The following CASD1 variants were observed in gnomAD, a reference collection of about 807,000 sequenced individuals.
CASD1 encodes CAS1 domain sialic acid O acetyltransferase 1, also known as N-acetylneuraminate (7)9-O-acetyltransferase.
Under a neutral mutation model 100.0 loss-of-function variants are expected in CASD1, and 41 were observed. The observed-to-expected ratio is 0.41, with a 90% CI of 0.32 to 0.53. CASD1 has a LOEUF of 0.53. Among genes scored for constraint, CASD1 ranks in the 20% least tolerant of loss-of-function variants. The pLI is 0.25. For synonymous variants in CASD1, 321 were observed against 315.6 expected, an observed-to-expected ratio of 1.02 and a Z score of -0.18; for missense variants, 774 against 948.7, an observed-to-expected ratio of 0.82 and a Z score of 2.42.
At chr7:94,550,063 C>A (rs1359207687) in intron 14 of CASD1, among the ~76,000 whole-genome samples, 1 of 151,986 alleles carries the variant, frequency 6.6e-6, no homozygotes, top group African/African-American at 2.4e-5. Flanking sequence ...CCCAAGATTA[C>A]TATTATAAGA....
chr7:94,565,953 G>C, the CASD1 span, among the ~76,000 whole-genome samples: 1 of 152,172 alleles, frequency 6.6e-6, no homozygotes, highest in Non-Finnish European at 1.5e-5. Flanking sequence ...GTCTTGGCTA[G>C]GATGATGGGG....
At chr7:94,571,157 C>T in the CASD1 span, among the ~76,000 whole-genome samples, 1 of 151,926 alleles carries the variant, frequency 6.6e-6, no homozygotes, top group Non-Finnish European at 1.5e-5. Flanking sequence ...GATCCTCCCA[C>T]TGCAGCCTCC....
intron 10 of CASD1, among the ~76,000 whole-genome samples, chr7:94,542,162 G>A (rs1795435532): frequency 6.6e-6 from 1 of 152,168 alleles, no homozygotes; most frequent in Admixed American, 6.5e-5. Context: ...CATGTTTTAT[G>A]GAGAGTGCTT....
chr7:94,585,843 T>A, the CASD1 span, among the ~76,000 whole-genome samples: 1 of 151,768 alleles, frequency 6.6e-6, no homozygotes, highest in East Asian at 1.9e-4. Context: ...TCGTGGCTTT[T>A]AAAAAAATAT....
At chr7:94,550,913 A>G (rs770685080) in intron 14 of CASD1, among the ~76,000 whole-genome samples, 1 of 152,152 alleles carries the variant, frequency 6.6e-6, no homozygotes, top group Non-Finnish European at 1.5e-5. Context: ...TTATGAGCGT[A>G]CACTTCTTTT....
chr7:94,547,286 CTG>C (rs1562948064), intron 13 of CASD1, 111 bp downstream of exon 13: 4 of 661,418 alleles, frequency 6.0e-6, no homozygotes, highest in South Asian at 2.6e-5. Flanking sequence ...TTTTTAATGA[CTG>C]TAATAAAAGT....
At chr7:94,586,790 C>A in the CASD1 span, 1 of 979,282 alleles carries the variant, frequency 1.0e-6, no homozygotes, top group Non-Finnish European at 1.2e-6. Flanking sequence ...GTGTGAGCCA[C>A]CGCACCCAGC....
In CASD1 at chr7:94,533,706, A is replaced by G. The variant is rs751989761; in HGVS notation, c.532A>G (p.Ser178Gly). ...GTCCATCAAGATTCACAATGGTAGCAGTGAAGCGCTTTCTCAATATAAAAT... is the reference window on the plus strand; with the variant it reads ...GTCCATCAAGATTCACAATGGTAGCGGTGAAGCGCTTTCTCAATATAAAAT... The part of the protein sequence containing the change: ...TWSIKIHNGS[S>G]EALSQYKMNI... The change falls in exon 7 of 18, where the codon AGT (serine) becomes GGT (glycine). Residue 178 changes from serine to glycine, a missense_variant. By Grantham distance (56) the Ser-to-Gly change is moderately conservative. Around this residue, in one of 5 missense-constraint regions of CASD1, gnomAD observed 453 missense variants for 532.6 expected, o/e 0.85. Transcript: ENST00000297273. 1 of 1,603,348 alleles carries G rather than the reference A, an allele frequency of 6.2e-7. No homozygotes were observed. The highest frequency in any genetic ancestry group is 1.1e-5 in the South Asian group (1 of 89,256).
At chr7:94,626,558 CAG>C in the CASD1 span, 1 of 151,834 alleles carries the variant, frequency 6.6e-6, no homozygotes, top group African/African-American at 2.4e-5. Context: ...AGAAATATAA[CAG>C]TAATTTATAA....
chr7:94,547,254 CAG>C (rs1264098568), intron 13 of CASD1, 79 bp downstream of exon 13: 10 of 1,051,440 alleles, frequency 9.5e-6, no homozygotes, highest in South Asian at 3.7e-5. Flanking sequence ...TGAGAAGAGT[CAG>C]AGCTTTTTTT....
At chr7:94,578,769 G>C in the CASD1 span, among the ~76,000 whole-genome samples, 4 of 152,132 alleles carry the variant, frequency 2.6e-5, no homozygotes, top group Admixed American at 1.3e-4. Flanking sequence ...TAGAAGAAGG[G>C]TAAGTTGATA....
chr7:94,612,743 A>G, the CASD1 span, among the ~76,000 whole-genome samples: 1 of 152,102 alleles, frequency 6.6e-6, no homozygotes, highest in South Asian at 2.1e-4. Flanking sequence ...TTTCAACTTA[A>G]TATGTTCCAA....
chr7:94,567,557 C>T, the CASD1 span, among the ~76,000 whole-genome samples: 2 of 152,268 alleles, frequency 1.3e-5, no homozygotes, highest in East Asian at 1.9e-4. Flanking sequence ...AGAAAGAAGA[C>T]ACCAGAGAGT....
At chr7:94,524,946 T>A (rs1296326984) in intron 3 of CASD1, among the ~76,000 whole-genome samples, 2 of 152,050 alleles carry the variant, frequency 1.3e-5, no homozygotes, top group African/African-American at 2.4e-5. Context: ...TTGGAAAAAA[T>A]TGGATATGGA....
the CASD1 span, chr7:94,598,171 G>A: frequency 6.3e-6 from 1 of 158,482 alleles, no homozygotes; most frequent in Non-Finnish European, 1.4e-5. Flanking sequence ...AAATGCAACT[G>A]TACAGTTTCC....
the CASD1 span, among the ~76,000 whole-genome samples, chr7:94,584,665 G>A: frequency 6.6e-6 from 1 of 152,184 alleles, no homozygotes; most frequent in African/African-American, 2.4e-5. Context: ...CAGTCTGCAA[G>A]GAAAGCTGTC....
chr7:94,566,706 CTTT>C, the CASD1 span, among the ~76,000 whole-genome samples: 2 of 152,116 alleles, frequency 1.3e-5, no homozygotes, highest in Non-Finnish European at 2.9e-5. Context: ...TTTTCTCTCT[CTTT>C]TTTTCAAATG....
the CASD1 span, chr7:94,625,089 G>T: frequency 1.3e-5 from 2 of 151,968 alleles, no homozygotes; most frequent in East Asian, 3.9e-4. Context: ...AGAAGAAAAT[G>T]TGAGTGTCTA....
chr7:94,588,818 C>T, the CASD1 span: 266 of 1,501,602 alleles, frequency 1.8e-4, 1 homozygote, highest in South Asian at 1.8e-3. Flanking sequence ...AAAAACTTTA[C>T]GGGTAAACTA....
Sources: allele counts gnomAD v4.1 joint callset (sites outside exome capture counted in the v4.1 genomes callset), GRCh38; gene constraint gnomAD v4.1.1; regional missense constraint gnomAD v4.1.1; transcripts MANE v1.5; gene names NCBI Gene and HGNC (gene_info 2026-07-23, HGNC 2026-07-21).